DIP2C: variants seen among roughly 807,000 people sequenced by gnomAD.
DIP2C encodes the protein disco-interacting protein 2 homolog C.
DIP2C carries 33 observed loss-of-function variants against 192.4 expected under a neutral mutation model. That is an observed-to-expected ratio of 0.17 (90% CI 0.13 to 0.23). The LOEUF (loss-of-function observed/expected upper bound fraction) is 0.23, where lower values mean the gene tolerates loss of function less well. DIP2C is among the 10% of genes least tolerant of loss of function. The pLI is 1.00. For synonymous variants in DIP2C, 979 were observed against 864.1 expected (o/e 1.13, Z -2.33); for missense variants, 1,537 against 2,110.1 (o/e 0.73, Z 5.32).
At chr10:594,949 A>C (rs1323895081) in intron 1 of DIP2C, among the ~76,000 whole-genome samples, 1 of 152,220 alleles carries the variant, frequency 6.6e-6, no homozygotes, top group Non-Finnish European at 1.5e-5. Context: ...GCAAAGCCAG[A>C]GAAGGGAGAG....
chr10:504,444 C>T (rs548381629), intron 1 of DIP2C, among the ~76,000 whole-genome samples: 6 of 152,308 alleles, frequency 3.9e-5, no homozygotes, highest in African/African-American at 1.2e-4. Flanking sequence ...ACAATGTTGC[C>T]GTCAGACCTG....
chr10:524,905 G>T (rs192630015), intron 1 of DIP2C, among the ~76,000 whole-genome samples: 1 of 143,612 alleles, frequency 7.0e-6, no homozygotes, highest in Non-Finnish European at 1.5e-5. Flanking sequence ...TGCCCGTGCA[G>T]ATGTTTCCAA....
At chr10:295,745 T>G (rs1183024333) in intron 32 of DIP2C, among the ~76,000 whole-genome samples, 1 of 151,146 alleles carries the variant, frequency 6.6e-6, no homozygotes, top group Non-Finnish European at 1.5e-5. Context: ...GTATGAAGGC[T>G]CCTTAAAACA....
At chr10:345,207 C>T in intron 26 of DIP2C, 97 bp from the exon 27 acceptor site, 2 of 1,174,122 alleles carry the variant, frequency 1.7e-6, no homozygotes, top group Non-Finnish European at 2.5e-6. Flanking sequence ...ACACTAAAAC[C>T]ATGTAGCTTT....
chr10:595,642 A>G (rs569809874), intron 1 of DIP2C, among the ~76,000 whole-genome samples: 1 of 152,226 alleles, frequency 6.6e-6, no homozygotes, highest in South Asian at 2.1e-4. Flanking sequence ...CCATCTACAC[A>G]GGGACATCGG....
At chr10:552,704 G>C (rs1391949432) in intron 1 of DIP2C, among the ~76,000 whole-genome samples, 1 of 152,200 alleles carries the variant, frequency 6.6e-6, no homozygotes, top group Admixed American at 6.5e-5. Flanking sequence ...CAAAAAATTA[G>C]CCAGGTGTGG....
intron 2 of DIP2C, among the ~76,000 whole-genome samples, chr10:474,629 G>A (rs1337080706): frequency 2.6e-5 from 4 of 152,144 alleles, no homozygotes; most frequent in Non-Finnish European, 4.4e-5. Context: ...ACACTCCCGT[G>A]CTAAAGGAGC....
At position 350,237 on chromosome 10, in the gene DIP2C, T is replaced by C. The variant is rs1488274674; in HGVS notation, c.2986-783A>G. Among the ~76,000 whole-genome samples, 3 of 152,054 alleles carry C rather than the reference T, an allele frequency of 2.0e-5. No homozygotes were observed. The East Asian group carries it at 5.8e-4, about 29-fold the overall frequency. The stretch of plus-strand genomic sequence containing the variant: ...GCTGGGACTACAGGTGCCACCATCA[T>C]GACTGGCTAATTTTAAAAAAAAATT... On this transcript the variant is annotated intron_variant, in intron 24 of 36. Coordinates refer to ENST00000280886, the MANE Select transcript of DIP2C (RefSeq NM_014974.3).
chr10:389,153 C>A (rs1302781401), intron 13 of DIP2C, among the ~76,000 whole-genome samples: 2 of 148,264 alleles, frequency 1.3e-5, no homozygotes, highest in Non-Finnish European at 3.0e-5. Context: ...CATGGGGGTT[C>A]TCTGGGGTCT....
intron 29 of DIP2C, among the ~76,000 whole-genome samples, chr10:340,118 T>C (rs2132551064): frequency 6.6e-6 from 1 of 151,892 alleles, no homozygotes; most frequent in African/African-American, 2.4e-5. Flanking sequence ...GAGGCAGAGG[T>C]TGCAGTGAGC....
At chr10:430,679 T>C (rs1031894310) in intron 4 of DIP2C, among the ~76,000 whole-genome samples, 4 of 152,270 alleles carry the variant, frequency 2.6e-5, no homozygotes, top group Non-Finnish European at 5.9e-5. Flanking sequence ...TTCATTTTTA[T>C]TGGAGTCCAG....
intron 3 of DIP2C, among the ~76,000 whole-genome samples, chr10:469,011 G>A (rs1564749543): frequency 6.6e-6 from 1 of 151,918 alleles, no homozygotes; most frequent in South Asian, 2.1e-4. Context: ...CTGTGCAGGT[G>A]CATGAGCTGA....
intron 29 of DIP2C, among the ~76,000 whole-genome samples, chr10:336,700 G>A (rs143187412): frequency 2.6e-5 from 4 of 152,322 alleles, no homozygotes; most frequent in African/African-American, 7.2e-5. Flanking sequence ...GGTCTTCCAG[G>A]AGAAGGTATT....
At chr10:420,962 C>T (rs771455388) in intron 5 of DIP2C, among the ~76,000 whole-genome samples, 8 of 152,280 alleles carry the variant, frequency 5.3e-5, no homozygotes, top group South Asian at 4.1e-4. Context: ...CGATCACACA[C>T]GCTACTTTCC....
chr10:675,245 A>C (rs1830832039), intron 1 of DIP2C, among the ~76,000 whole-genome samples: 1 of 152,214 alleles, frequency 6.6e-6, no homozygotes, highest in Non-Finnish European at 1.5e-5. Context: ...GAAACAAATG[A>C]AAACAGAAAC....
At chr10:664,272 C>G (rs1309024806) in intron 1 of DIP2C, 1 of 152,240 alleles carries the variant, frequency 6.6e-6, no homozygotes, top group African/African-American at 2.4e-5. Flanking sequence ...TAAACGTTCA[C>G]AAGACACAAC....
intron 1 of DIP2C, among the ~76,000 whole-genome samples, chr10:556,853 A>T (rs1848904186): frequency 6.6e-6 from 1 of 152,212 alleles, no homozygotes; most frequent in African/African-American, 2.4e-5. Flanking sequence ...CGACCCTGGA[A>T]GGGATCTGTG....
intron 24 of DIP2C, among the ~76,000 whole-genome samples, chr10:350,426 C>T (rs1008881435): frequency 5.9e-5 from 9 of 152,276 alleles, no homozygotes; most frequent in Non-Finnish European, 1.0e-4. Flanking sequence ...TGAGGACACA[C>T]TTTACAGTCC....
chr10:331,877 T>C (rs890113169), intron 29 of DIP2C, among the ~76,000 whole-genome samples: 13 of 151,410 alleles, frequency 8.6e-5, no homozygotes, highest in Non-Finnish European at 1.9e-4. Context: ...TTAAAAATTT[T>C]ACTGTGGTAA....
Sources: allele counts gnomAD v4.1 joint callset (sites outside exome capture counted in the v4.1 genomes callset), GRCh38; gene constraint gnomAD v4.1.1; transcripts MANE v1.5; gene names NCBI Gene and HGNC (gene_info 2026-07-23, HGNC 2026-07-21).